The following CPVL variants were observed in gnomAD, a reference collection of about 807,000 sequenced individuals.
CPVL encodes the protein carboxypeptidase vitellogenic like, also known as probable serine carboxypeptidase CPVL.
A neutral mutation model predicts 63.7 loss-of-function variants in CPVL; 51 were observed. The observed-to-expected ratio is 0.80, with a 90% CI of 0.64 to 1.01. CPVL has a LOEUF of 1.01. Among genes scored for constraint, CPVL ranks in the 50% least tolerant of loss-of-function variants. The pLI, the probability that CPVL is intolerant of heterozygous loss-of-function variation, is 0.00. For missense variants in CPVL, 530 were observed against 573.1 expected, an observed-to-expected ratio of 0.92 and a Z score of 0.77; for synonymous variants, 195 against 206.0, an observed-to-expected ratio of 0.95 and a Z score of 0.46.
intron 6 of CPVL, among the ~76,000 whole-genome samples, chr7:29,086,861 C>T (rs1266289456): frequency 1.3e-5 from 2 of 152,162 alleles, no homozygotes; most frequent in African/African-American, 4.8e-5. Context: ...TGTTACGTAG[C>T]AATTCTTGGA....
At chr7:29,095,449 A>G (rs928147129) in intron 4 of CPVL, among the ~76,000 whole-genome samples, 19 of 152,146 alleles carry the variant, frequency 1.2e-4, no homozygotes, top group African/African-American at 4.6e-4. Flanking sequence ...CTGCAATAAT[A>G]TCCATATGTC....
intron 5 of CPVL, among the ~76,000 whole-genome samples, chr7:29,155,417 G>A (rs1159879395): frequency 6.6e-6 from 1 of 152,162 alleles, no homozygotes; most frequent in Non-Finnish European, 1.5e-5. Context: ...CATGCTAAGT[G>A]TATCACACAT....
At position 29,064,120 on chromosome 7, in the gene CPVL, G is replaced by A. The variant is rs771171667; in HGVS notation, c.1078C>T (p.Arg360Ter). 1.6e-5 allele frequency: 25 copies of A among 1,612,630 alleles called. No homozygotes were observed. The Admixed American group carries it at 2.8e-4, about 18-fold the overall frequency. Residue 360 changes from arginine to a stop codon, truncating the protein, a stop_gained, in exon 11 of 13, where the codon CGA (arginine) becomes TGA (stop). Coordinates refer to ENST00000265394, the MANE Select transcript of CPVL (RefSeq NM_031311.5). LOFTEE classifies it high-confidence loss of function. ...TTAACTGACTGTACTGTATCTTCTC[G>A]CAAGTACTTTTCAACTATAGTTCCA... ...NDGTIVEKYL[R>*]EDTVQSVKPW...
intron 9 of CPVL, 66 bp downstream of exon 9, chr7:29,071,707 T>TCTGCCCCC: frequency 1.2e-6 from 1 of 867,446 alleles, no homozygotes; most frequent in Non-Finnish European, 1.8e-6. Context: ...GTGTTCCTGC[T>TCTGCCCCC]CACCCGCCCT....
At chr7:29,188,026 G>A (rs1309405850) in intron 1 of CPVL, among the ~76,000 whole-genome samples, 1 of 152,206 alleles carries the variant, frequency 6.6e-6, no homozygotes, top group East Asian at 1.9e-4. Context: ...TGGCTCCTAT[G>A]TCTTAATATA....
chr7:29,046,779 T>A (rs1789665040), intron 11 of CPVL, among the ~76,000 whole-genome samples: 1 of 152,138 alleles, frequency 6.6e-6, no homozygotes, highest in South Asian at 2.1e-4. Context: ...AGCAGAGATT[T>A]CAAAGCCAAA....
chr7:29,064,811 C>T (rs891599992), intron 10 of CPVL, among the ~76,000 whole-genome samples: 10 of 151,050 alleles, frequency 6.6e-5, no homozygotes, highest in Non-Finnish European at 1.5e-4. Flanking sequence ...CACCCCACAA[C>T]AGTCCCCGGT....
intron 1 of CPVL, among the ~76,000 whole-genome samples, chr7:29,125,388 C>CTT (rs57975250): frequency 5.0e-4 from 37 of 74,124 alleles, no homozygotes; most frequent in Non-Finnish European, 5.8e-4. Flanking sequence ...ACTCTCCCGT[C>CTT]TTTTTTTTTT....
At chr7:29,009,187 T>A (rs1486867047) in intron 12 of CPVL, 3 of 105,210 alleles carry the variant, frequency 2.9e-5, no homozygotes, top group East Asian at 2.9e-4. Context: ...TTGATGGCAT[T>A]AAAAAAAAAA....
At chr7:29,000,451 G>A (rs1160855983) in intron 12 of CPVL, among the ~76,000 whole-genome samples, 1 of 152,064 alleles carries the variant, frequency 6.6e-6, no homozygotes, top group Non-Finnish European at 1.5e-5. Flanking sequence ...GCATGGAAAT[G>A]CAGGGGCATG....
At chr7:29,008,449 G>A (rs948118714) in intron 12 of CPVL, among the ~76,000 whole-genome samples, 33 of 152,024 alleles carry the variant, frequency 2.2e-4, no homozygotes, top group African/African-American at 7.0e-4. Context: ...TATTGGAAAA[G>A]GAAAAAACGT....
At chr7:29,079,205 T>C (rs1339965274) in intron 7 of CPVL, among the ~76,000 whole-genome samples, 1 of 152,178 alleles carries the variant, frequency 6.6e-6, no homozygotes, top group Non-Finnish European at 1.5e-5. Flanking sequence ...AGATTCAGCA[T>C]AAAATATGGA....
At chr7:29,015,383 T>A (rs144009014) in intron 12 of CPVL, among the ~76,000 whole-genome samples, 273 of 152,168 alleles carry the variant, frequency 1.8e-3, no homozygotes, top group African/African-American at 5.7e-3. Flanking sequence ...TGGGAGGTGA[T>A]TGGATCATGG....
chr7:29,057,212 T>A (rs1790829918), intron 11 of CPVL, among the ~76,000 whole-genome samples: 1 of 152,160 alleles, frequency 6.6e-6, no homozygotes, highest in African/African-American at 2.4e-5. Flanking sequence ...CGCCTTGGCC[T>A]CCTGGAGTGC....
chr7:29,131,037 T>C (rs1054417882), intron 1 of CPVL, among the ~76,000 whole-genome samples: 6 of 152,138 alleles, frequency 3.9e-5, no homozygotes, highest in Non-Finnish European at 7.4e-5. Context: ...TTAGTTTTGC[T>C]CAAGTCAGTG....
intron 11 of CPVL, among the ~76,000 whole-genome samples, chr7:29,049,004 T>C (rs560206813): frequency 6.6e-6 from 1 of 152,128 alleles, no homozygotes; most frequent in South Asian, 2.1e-4. Flanking sequence ...ACCTCTGGGA[T>C]ACAGCAAAGG....
chr7:29,048,189 C>T (rs318111), intron 11 of CPVL, among the ~76,000 whole-genome samples: 95,337 of 151,986 alleles, frequency 0.63, 30,305 homozygotes, highest in Non-Finnish European at 0.68. Flanking sequence ...ACAAATAGCA[C>T]GATGAATGCA....
rs1311635608 is a variant in CPVL at position 29,182,170 on chromosome 7, C to G, written c.-133-758G>C. Among the ~76,000 whole-genome samples the G allele has an allele frequency of 3.3e-5, 5 of 152,184 alleles. No homozygotes were observed. In the East Asian group the frequency reaches 9.6e-4, roughly 29 times the overall value. On this transcript the variant is annotated intron_variant, in intron 4 of 16. Transcript: ENST00000409850. ...TAATGAAAACCTGCAAATGCATATGCAAATGAACTGAACTTCTATTATAAG... is the reference window on the plus strand; with the variant it reads ...TAATGAAAACCTGCAAATGCATATGGAAATGAACTGAACTTCTATTATAAG...
Position 29,079,677 on chromosome 7 carries a change from A to G in CPVL, c.609+6807T>C, listed in dbSNP as rs79003339. ...CTAGCCATCAAATTACATGATCCCAAGCCCAGGCTAACAGGATGATGGTAC... is the reference window on the plus strand; with the variant it reads ...CTAGCCATCAAATTACATGATCCCAGGCCCAGGCTAACAGGATGATGGTAC... On this transcript the variant is annotated intron_variant, in intron 7 of 12. Coordinates refer to ENST00000265394, the MANE Select transcript of CPVL (RefSeq NM_031311.5). Among the ~76,000 whole-genome samples the G allele has an allele frequency of 8.9e-3, 1,349 of 152,362 alleles. 17 individuals carry two copies. Among genetic ancestry groups the G allele is most frequent in the African/African-American group, 0.03 (1,264 of 41,590 alleles).
Sources: allele counts gnomAD v4.1 joint callset (sites outside exome capture counted in the v4.1 genomes callset), GRCh38; gene constraint gnomAD v4.1.1; transcripts MANE v1.5; gene names NCBI Gene and HGNC (gene_info 2026-07-23, HGNC 2026-07-21).